THSD7A: variants seen among roughly 807,000 people sequenced by gnomAD.
THSD7A encodes thrombospondin type 1 domain containing 7A.
Under a neutral mutation model 231.3 loss-of-function variants are expected in THSD7A, and 96 were observed. The observed-to-expected ratio is 0.41, with a 90% CI of 0.35 to 0.49. The LOEUF (loss-of-function observed/expected upper bound fraction) is 0.49, where lower values mean the gene tolerates loss of function less well. Among genes scored for constraint, THSD7A ranks in the 20% least tolerant of loss-of-function variants. The pLI is 0.05. For missense variants in THSD7A, 2,290 were observed against 2,070.2 expected (o/e 1.11, Z -2.06); for synonymous variants, 940 against 743.3 (o/e 1.26, Z -4.30).
chr7:11,561,504 T>C (rs7784891), intron 4 of THSD7A, among the ~76,000 whole-genome samples: 42,380 of 152,168 alleles, frequency 0.28, 6,308 homozygotes, highest in Admixed American at 0.44. Context: ...TTACATGGCA[T>C]TTACTAAAGA....
intron 1 of THSD7A, among the ~76,000 whole-genome samples, chr7:11,741,154 G>C (rs1782100143): frequency 6.6e-6 from 1 of 151,888 alleles, no homozygotes; most frequent in Non-Finnish European, 1.5e-5. Flanking sequence ...ATTACACATT[G>C]TATCCTAGGT....
chr7:11,694,840 G>C (rs1335055997), intron 1 of THSD7A, among the ~76,000 whole-genome samples: 1 of 151,402 alleles, frequency 6.6e-6, no homozygotes, highest in African/African-American at 2.4e-5. Flanking sequence ...TGTCTATCAA[G>C]AGAGCAGGAG....
At chr7:11,535,507 T>C (rs1027199991) in intron 6 of THSD7A, among the ~76,000 whole-genome samples, 1 of 151,728 alleles carries the variant, frequency 6.6e-6, no homozygotes, top group African/African-American at 2.4e-5. Flanking sequence ...TCAACCCAAT[T>C]ACAGGAAACA....
At chr7:11,417,952 T>C (rs1784016738) in intron 16 of THSD7A, among the ~76,000 whole-genome samples, 1 of 152,178 alleles carries the variant, frequency 6.6e-6, no homozygotes, top group Non-Finnish European at 1.5e-5. Flanking sequence ...GAGAAACTAA[T>C]GAGGAACTGT....
At chr7:11,482,057 C>T in intron 6 of THSD7A, 75 bp from the exon 7 acceptor site, 1 of 1,410,804 alleles carries the variant, frequency 7.1e-7, no homozygotes, top group Non-Finnish European at 9.5e-7. Flanking sequence ...CAGATGGGCA[C>T]CCAGATAAGT....
intron 1 of THSD7A, among the ~76,000 whole-genome samples, chr7:11,697,490 T>G (rs1269830020): frequency 1.3e-5 from 2 of 151,334 alleles, no homozygotes; most frequent in Non-Finnish European, 3.0e-5. Context: ...TGTATGATAT[T>G]TAATATGGAG....
In THSD7A at chr7:11,789,759, T is replaced by A. The variant is rs182232446; in HGVS notation, c.190+41998A>T. ...TTACAAACCAACTCAAAAAAATACC[T>A]TTTTTGTTTTAGAGGCTCTCTTGAT... On this transcript the variant is annotated intron_variant, in intron 1 of 27. Coordinates refer to ENST00000423059, the MANE Select transcript of THSD7A (RefSeq NM_015204.3). Among the ~76,000 whole-genome samples, 179 of 152,140 alleles carry A rather than the reference T, an allele frequency of 1.2e-3. 1 individual carries two copies. The highest frequency in any genetic ancestry group is 2.2e-3 in the Non-Finnish European group (149 of 67,940).
intron 1 of THSD7A, among the ~76,000 whole-genome samples, chr7:11,781,621 G>C (rs1783635502): frequency 1.3e-5 from 2 of 152,104 alleles, no homozygotes; most frequent in African/African-American, 4.8e-5. Flanking sequence ...ATCAAAACCT[G>C]GGTTGGTCCT....
rs564172483 is a variant in THSD7A at position 11,723,242 on chromosome 7, G to A, written c.191-86281C>T. On this transcript the variant is annotated intron_variant, in intron 1 of 27. Transcript: ENST00000423059. ...ATCGCAAGGACAAAAACCAAACACCGCATGTCCTCAATCATAGGTGGGAAT... is the reference window on the plus strand; with the variant it reads ...ATCGCAAGGACAAAAACCAAACACCACATGTCCTCAATCATAGGTGGGAAT... 7.1e-4 allele frequency among the ~76,000 whole-genome samples: 105 copies of A among 148,120 alleles called. 1 individual carries two copies. The highest frequency in any genetic ancestry group is 2.4e-3 in the African/African-American group (96 of 40,244).
At chr7:11,494,803 A>G (rs1218983861) in intron 6 of THSD7A, among the ~76,000 whole-genome samples, 1 of 152,104 alleles carries the variant, frequency 6.6e-6, no homozygotes, top group African/African-American at 2.4e-5. Flanking sequence ...TGGGCACTTC[A>G]TAAAAGCTGG....
At chr7:11,697,254 C>G (rs932752287) in intron 1 of THSD7A, among the ~76,000 whole-genome samples, 2 of 151,412 alleles carry the variant, frequency 1.3e-5, no homozygotes, top group African/African-American at 4.8e-5. Flanking sequence ...CATTGCATTA[C>G]ATTTTCCATA....
At chr7:11,521,408 T>C (rs1788255400) in intron 6 of THSD7A, among the ~76,000 whole-genome samples, 1 of 151,728 alleles carries the variant, frequency 6.6e-6, no homozygotes, top group South Asian at 2.1e-4. Flanking sequence ...AATATAGAAC[T>C]CTCTAGAGAC....
chr7:11,688,485 A>G (rs1326726538), intron 1 of THSD7A, among the ~76,000 whole-genome samples: 1 of 151,874 alleles, frequency 6.6e-6, no homozygotes, highest in Non-Finnish European at 1.5e-5. Context: ...ATTCAAAATG[A>G]GATGATGCCA....
Position 11,372,829 on chromosome 7 carries a change from A to G in THSD7A, c.*2965T>C, listed in dbSNP as rs1782108922. ...TTGATGAAATTCCAATAAAATATTTAACTCATTATTGTCTCATGTCAGAAA... is the reference window on the plus strand; with the variant it reads ...TTGATGAAATTCCAATAAAATATTTGACTCATTATTGTCTCATGTCAGAAA... On this transcript the variant is annotated 3_prime_UTR_variant, in exon 28 of 28. Transcript: ENST00000423059. 2 of 152,102 alleles carry G rather than the reference A, an allele frequency of 1.3e-5. No homozygotes were observed. The highest frequency in any genetic ancestry group is 4.8e-5 in the African/African-American group (2 of 41,438). The allele number at this position is 152,102 out of a possible 1,614,324, so 9.4% of individuals were successfully genotyped here.
At chr7:11,647,109 G>A (rs1011725293) in intron 1 of THSD7A, among the ~76,000 whole-genome samples, 1 of 151,938 alleles carries the variant, frequency 6.6e-6, no homozygotes, top group Non-Finnish European at 1.5e-5. Flanking sequence ...GCACATAGGC[G>A]GTTCCTGATA....
Position 11,593,348 on chromosome 7 carries a change from T to C in THSD7A, c.1177A>G (p.Arg393Gly). 3.7e-6 allele frequency: 6 copies of C among 1,614,026 alleles called. No homozygotes were observed. Among genetic ancestry groups the C allele is most frequent in the Non-Finnish European group, 5.1e-6 (6 of 1,179,898 alleles). The change falls in exon 3 of 28, where the codon AGG (arginine) becomes GGG (glycine). Residue 393 changes from arginine (R) to glycine (G), a missense_variant. Arg to Gly is a moderately radical substitution (Grantham distance 125). Coordinates refer to ENST00000423059, the MANE Select transcript of THSD7A (RefSeq NM_015204.3). ...AGTRVRTRTI[R>G]QFPIGSEKEC... Reference sequence around the variant, plus strand: ...TTTTCACTGCCAATGGGAAACTGCCTGATGGTTCGTGTCCTTACACGAGTG... The same window carrying C: ...TTTTCACTGCCAATGGGAAACTGCCCGATGGTTCGTGTCCTTACACGAGTG...
intron 1 of THSD7A, among the ~76,000 whole-genome samples, chr7:11,662,606 T>A (rs1737039397): frequency 6.6e-6 from 1 of 151,426 alleles, no homozygotes; most frequent in South Asian, 2.1e-4. Context: ...CAGTACTGCA[T>A]AACGAATACC....
At chr7:11,750,742 C>T (rs1010815867) in intron 1 of THSD7A, among the ~76,000 whole-genome samples, 11 of 151,982 alleles carry the variant, frequency 7.2e-5, no homozygotes, top group South Asian at 2.1e-4. Context: ...TTAGAGACCT[C>T]AGTAAGACTA....
At chr7:11,643,603 G>GCA (rs71027421) in intron 1 of THSD7A, among the ~76,000 whole-genome samples, 87,906 of 149,404 alleles carry the variant, frequency 0.59, 26,820 homozygotes, top group East Asian at 0.77. Context: ...ACGCACGCGC[G>GCA]CACACACACA....
Sources: allele counts gnomAD v4.1 joint callset (sites outside exome capture counted in the v4.1 genomes callset), GRCh38; gene constraint gnomAD v4.1.1; transcripts MANE v1.5; gene names NCBI Gene and HGNC (gene_info 2026-07-23, HGNC 2026-07-21).